Variants in GPC6 observed in about 807,000 individuals in gnomAD.
GPC6 encodes the protein glypican 6.
A neutral mutation model predicts 55.2 loss-of-function variants in GPC6; 14 were observed. The observed-to-expected ratio is 0.25, with a 90% CI of 0.17 to 0.40. The LOEUF is 0.40. Ranked by LOEUF, GPC6 falls within the 10% of genes least tolerant of loss-of-function variation. GPC6 has a pLI of 1.00. For missense variants in GPC6, 641 were observed against 708.5 expected, an observed-to-expected ratio of 0.90 and a Z score of 1.08; for synonymous variants, 278 against 259.6, an observed-to-expected ratio of 1.07 and a Z score of -0.68.
chr13:93,635,140 C>CTTT (rs879721283), intron 2 of GPC6, among the ~76,000 whole-genome samples: 4 of 145,584 alleles, frequency 2.7e-5, no homozygotes, highest in African/African-American at 1.0e-4. Flanking sequence ...CATAATACAG[C>CTTT]TTTTTTTTTT....
intron 2 of GPC6, among the ~76,000 whole-genome samples, chr13:93,713,768 G>C (rs1883152437): frequency 6.6e-6 from 1 of 151,670 alleles, no homozygotes; most frequent in South Asian, 2.1e-4. Context: ...AACTACAGCA[G>C]TTTATGATAT....
At chr13:93,381,744 C>T (rs773857265) in intron 1 of GPC6, among the ~76,000 whole-genome samples, 12 of 152,104 alleles carry the variant, frequency 7.9e-5, no homozygotes, top group Non-Finnish European at 1.5e-4. Context: ...GTTAATTACA[C>T]AAGTGGCACT....
intron 2 of GPC6, among the ~76,000 whole-genome samples, chr13:93,579,361 A>C (rs775121914): frequency 6.6e-6 from 1 of 152,126 alleles, no homozygotes; most frequent in Non-Finnish European, 1.5e-5. Context: ...AAATATTGAC[A>C]TCTGTTATGT....
chr13:93,511,588 A>C (rs1880977093), intron 1 of GPC6, among the ~76,000 whole-genome samples: 1 of 151,784 alleles, frequency 6.6e-6, no homozygotes, highest in Non-Finnish European at 1.5e-5. Flanking sequence ...CCTTGTAATA[A>C]TTTTTGAAGT....
At position 93,996,213 on chromosome 13, in the gene GPC6, A is replaced by G. The variant is rs115449581; in HGVS notation, c.712-31516A>G. On this transcript the variant is annotated intron_variant, in intron 3 of 8. Coordinates refer to ENST00000377047, the MANE Select transcript of GPC6 (RefSeq NM_005708.5). ...CTTTAAAAATTTTTGGAATAGTATA[A>G]TGGTGATTGTGTAATTAAAATTTCA... Among the ~76,000 whole-genome samples, 378 of 152,302 alleles carry G rather than the reference A, an allele frequency of 2.5e-3. 1 individual carries two copies. Among genetic ancestry groups the G allele is most frequent in the African/African-American group, 8.8e-3 (364 of 41,576 alleles).
At chr13:93,984,473 T>C (rs1880938182) in intron 3 of GPC6, among the ~76,000 whole-genome samples, 1 of 152,154 alleles carries the variant, frequency 6.6e-6, no homozygotes, top group Non-Finnish European at 1.5e-5. Context: ...AATTAATTCA[T>C]TTGGTATGAT....
intron 3 of GPC6, among the ~76,000 whole-genome samples, chr13:93,858,246 C>G (rs1888689435): frequency 6.6e-6 from 1 of 151,452 alleles, no homozygotes; most frequent in African/African-American, 2.4e-5. Flanking sequence ...CAATTACTAT[C>G]TGTTGTTTTG....
chr13:93,338,642 A>G (rs1880126370), intron 1 of GPC6, among the ~76,000 whole-genome samples: 1 of 152,096 alleles, frequency 6.6e-6, no homozygotes, highest in African/African-American at 2.4e-5. Context: ...AACATTTTAT[A>G]CTCTCAAGCT....
chr13:94,403,550 T>C lies in GPC6; in HGVS notation c.*333T>C, dbSNP rs1462062123. The C allele has an allele frequency of 6.7e-6, 2 of 296,786 alleles. No individual in the cohort carries two copies. Among genetic ancestry groups the C allele is most frequent in the Non-Finnish European group, 1.3e-5 (2 of 155,058 alleles). 18.4% of individuals were successfully genotyped at this position (296,786 alleles called of 1,614,324 possible). A position where few individuals can be genotyped will look rare whatever the true frequency, so the allele number is the denominator to read the frequency against. On this transcript the variant is annotated 3_prime_UTR_variant, in exon 9 of 9. Transcript: ENST00000377047. ...ATCTCACGTTGTGAGGGTTTTTTTT[T>C]TCTCATTTAAAATAAAAAAGGAAGA...
chr13:94,183,664 A>T (rs1889073337), intron 4 of GPC6, among the ~76,000 whole-genome samples: 1 of 152,186 alleles, frequency 6.6e-6, no homozygotes, highest in African/African-American at 2.4e-5. Context: ...TGACTGTATC[A>T]TCATACACTC....
chr13:93,755,168 G>A (rs990442634), intron 2 of GPC6, among the ~76,000 whole-genome samples: 2 of 152,132 alleles, frequency 1.3e-5, no homozygotes, highest in Non-Finnish European at 2.9e-5. Flanking sequence ...CATTTGAAGA[G>A]ATCCTCATAT....
chr13:93,689,133 A>G (rs1419146181), intron 2 of GPC6, among the ~76,000 whole-genome samples: 1 of 151,922 alleles, frequency 6.6e-6, no homozygotes, highest in East Asian at 1.9e-4. Flanking sequence ...TCTAAGTCTA[A>G]CCCTGCTTAG....
chr13:93,427,549 T>C (rs978133394), intron 1 of GPC6, among the ~76,000 whole-genome samples: 1 of 152,198 alleles, frequency 6.6e-6, no homozygotes, highest in African/African-American at 2.4e-5. Context: ...GCTAGCCATA[T>C]GTAGAAAGCT....
chr13:93,470,525 T>C (rs1879072712), intron 1 of GPC6, among the ~76,000 whole-genome samples: 1 of 152,104 alleles, frequency 6.6e-6, no homozygotes, highest in African/African-American at 2.4e-5. Context: ...TTTGCAAATA[T>C]GGTTTTGAGG....
chr13:93,898,638 G>GT (rs201712798), intron 3 of GPC6, among the ~76,000 whole-genome samples: 3,727 of 95,340 alleles, frequency 0.039, 165 homozygotes, highest in African/African-American at 0.095. Context: ...TATTGTGTTT[G>GT]TTTTTTTGTT....
chr13:93,566,958 C>G (rs947059982), intron 2 of GPC6, among the ~76,000 whole-genome samples: 1 of 152,112 alleles, frequency 6.6e-6, no homozygotes, highest in Non-Finnish European at 1.5e-5. Context: ...TTTATCCAGT[C>G]TATCATTGAT....
At chr13:93,484,439 A>C (rs1357427895) in intron 1 of GPC6, among the ~76,000 whole-genome samples, 1 of 152,104 alleles carries the variant, frequency 6.6e-6, no homozygotes, top group Non-Finnish European at 1.5e-5. Flanking sequence ...ATTCTGAAAG[A>C]TTTTTGTCTC....
chr13:94,254,904 C>T (rs961691725), intron 4 of GPC6, among the ~76,000 whole-genome samples: 2 of 152,094 alleles, frequency 1.3e-5, no homozygotes, highest in Admixed American at 6.5e-5. Flanking sequence ...ACAAAAGCTC[C>T]TTATGCTCTA....
chr13:94,084,025 T>A (rs1413558285), intron 4 of GPC6, among the ~76,000 whole-genome samples: 2 of 152,246 alleles, frequency 1.3e-5, no homozygotes, highest in Admixed American at 1.3e-4. Flanking sequence ...TCATTACCAA[T>A]GACTTGAACC....
Sources: allele counts gnomAD v4.1 joint callset (sites outside exome capture counted in the v4.1 genomes callset), GRCh38; gene constraint gnomAD v4.1.1; transcripts MANE v1.5; gene names NCBI Gene and HGNC (gene_info 2026-07-23, HGNC 2026-07-21).